The following UBE2H variants were observed in gnomAD, a reference collection of about 807,000 sequenced individuals.
UBE2H encodes ubiquitin conjugating enzyme E2 H.
UBE2H carries 3 observed loss-of-function variants against 29.0 expected under a neutral mutation model. That is an observed-to-expected ratio of 0.10 (90% CI 0.05 to 0.27). UBE2H has a LOEUF of 0.27. Ranked by LOEUF, UBE2H falls within the 10% of genes least tolerant of loss-of-function variation. The probability of loss-of-function intolerance (pLI) is 1.00; values close to 1 mark genes in which losing one functional copy is unlikely to be tolerated. For missense variants in UBE2H, 68 were observed against 228.2 expected (o/e 0.30, Z 4.52); for synonymous variants, 69 against 82.9 (o/e 0.83, Z 0.91).
chr7:129,885,775 A>C lies in UBE2H; in HGVS notation c.54-4804T>G, dbSNP rs1041588195. 2.6e-5 allele frequency among the ~76,000 whole-genome samples: 4 copies of C among 152,354 alleles called. No homozygotes were observed. The East Asian group carries it at 5.8e-4, about 22-fold the overall frequency. On this transcript the variant is annotated intron_variant, in intron 1 of 6. Coordinates refer to ENST00000355621, the MANE Select transcript of UBE2H (RefSeq NM_003344.4). ...GCTGCCTTGGAATGGACAGGCACTA[A>C]ATGAGATAGAAAAAAGAATTTAGGT... is the stretch of plus-strand genomic sequence containing the variant.
chr7:129,883,638 T>A (rs1407987948), intron 1 of UBE2H, among the ~76,000 whole-genome samples: 2 of 152,194 alleles, frequency 1.3e-5, no homozygotes, highest in Non-Finnish European at 2.9e-5. Context: ...GATCAGGAGT[T>A]TGCGACCAGC....
chr7:129,926,175 C>T (rs918354257), intron 1 of UBE2H, among the ~76,000 whole-genome samples: 2 of 152,164 alleles, frequency 1.3e-5, no homozygotes, highest in African/African-American at 4.8e-5. Context: ...TTTTTCTTTT[C>T]AAGATAAAGG....
chr7:129,883,606 C>T (rs1276933315), intron 1 of UBE2H, among the ~76,000 whole-genome samples: 1 of 152,196 alleles, frequency 6.6e-6, no homozygotes, highest in African/African-American at 2.4e-5. Context: ...CTGTGGGGAG[C>T]CAGGGCAGGC....
chr7:129,897,948 A>ATGTATG (rs755015651), intron 1 of UBE2H, among the ~76,000 whole-genome samples: 22,129 of 152,198 alleles, frequency 0.15, 1,680 homozygotes, highest in Admixed American at 0.2. Flanking sequence ...TGTATTTATT[A>ATGTATG]TCTTTATCAA....
intron 1 of UBE2H, among the ~76,000 whole-genome samples, chr7:129,906,904 A>AT (rs2116436711): frequency 6.6e-6 from 1 of 152,302 alleles, no homozygotes; most frequent in Admixed American, 6.5e-5. Flanking sequence ...CTTTGGATGA[A>AT]TTTTCAAGGC....
chr7:129,924,054 T>C (rs1429496861), intron 1 of UBE2H, among the ~76,000 whole-genome samples: 1 of 152,210 alleles, frequency 6.6e-6, no homozygotes. Context: ...AAGCAGATTA[T>C]GAACACTGGA....
intron 5 of UBE2H, among the ~76,000 whole-genome samples, chr7:129,850,847 G>A (rs1212757241): frequency 6.8e-6 from 1 of 146,370 alleles, no homozygotes; most frequent in Non-Finnish European, 1.5e-5. Flanking sequence ...GAAAGAGAGA[G>A]AGAGGGAAGG....
At chr7:129,902,706 A>AT (rs1806741086) in intron 1 of UBE2H, among the ~76,000 whole-genome samples, 3 of 152,086 alleles carry the variant, frequency 2.0e-5, no homozygotes, top group Admixed American at 2.0e-4. Context: ...CAAAATCTCC[A>AT]TTTTAACAAG....
chr7:129,922,685 C>G (rs1807187324), intron 1 of UBE2H, among the ~76,000 whole-genome samples: 1 of 152,162 alleles, frequency 6.6e-6, no homozygotes, highest in African/African-American at 2.4e-5. Context: ...GCAAATATAG[C>G]AAAATATTGA....
At chr7:129,952,449 G>A (rs568339849) in intron 1 of UBE2H, 54 bp downstream of exon 1, 7 of 1,595,868 alleles carry the variant, frequency 4.4e-6, no homozygotes, top group Admixed American at 1.7e-5. Context: ...GGTGCCCTGG[G>A]CATCCCCACA....
At chr7:129,938,983 G>A (rs1315257875) in intron 1 of UBE2H, among the ~76,000 whole-genome samples, 1 of 151,998 alleles carries the variant, frequency 6.6e-6, no homozygotes, top group East Asian at 1.9e-4. Context: ...ATTTTTAGTA[G>A]AGATGGGGCT....
intron 1 of UBE2H, among the ~76,000 whole-genome samples, chr7:129,943,015 G>A (rs2116521584): frequency 6.6e-6 from 1 of 151,756 alleles, no homozygotes; most frequent in African/African-American, 2.4e-5. Flanking sequence ...GCTAGTTTTT[G>A]CATTTTTAGT....
At chr7:129,863,808 G>GTTTTTTTTTTTGTTTGTTT (rs1554432032) in intron 3 of UBE2H, among the ~76,000 whole-genome samples, 48 of 136,044 alleles carry the variant, frequency 3.5e-4, no homozygotes, top group African/African-American at 1.0e-3. Flanking sequence ...AATACTAGGT[G>GTTTTTTTTTTTGTTTGTTT]TTTTTTTTTT....
chr7:129,835,764 A>C (rs995720608), intron 6 of UBE2H, among the ~76,000 whole-genome samples: 1 of 152,218 alleles, frequency 6.6e-6, no homozygotes, highest in African/African-American at 2.4e-5. Context: ...CTCTAAGTGC[A>C]TACTGTTTTC....
chr7:129,938,608 T>C (rs551196491), intron 1 of UBE2H, among the ~76,000 whole-genome samples: 63 of 13,892 alleles, frequency 4.5e-3, no homozygotes, highest in African/African-American at 5.0e-3. Flanking sequence ...AGCTACTCGA[T>C]AGGCTGAGAA....
chr7:129,922,463 G>C (rs993002094), intron 1 of UBE2H, among the ~76,000 whole-genome samples: 2 of 151,934 alleles, frequency 1.3e-5, no homozygotes, highest in Non-Finnish European at 2.9e-5. Context: ...TTTTTGTAGA[G>C]ATGGGATTTC....
At chr7:129,952,010 G>A (rs1029342357) in intron 1 of UBE2H, among the ~76,000 whole-genome samples, 2 of 152,160 alleles carry the variant, frequency 1.3e-5, no homozygotes, top group African/African-American at 4.8e-5. Context: ...AAAGGAATTA[G>A]GGATAAAAGA....
Position 129,882,824 on chromosome 7 carries a change from T to A in UBE2H, c.54-1853A>T, listed in dbSNP as rs188044067. Among the ~76,000 whole-genome samples the A allele has an allele frequency of 3.8e-4, 58 of 152,308 alleles. No individual in the cohort carries two copies. The East Asian group carries it at 8.5e-3, about 22-fold the overall frequency. On this transcript the variant is annotated intron_variant, in intron 1 of 6. Transcript: ENST00000355621. ...AACTTTTTTAAAAAAAGCATCCTTGTGTCACGTAAAAAAAGGCAAATCCAG... is the reference window on the plus strand; with the variant it reads ...AACTTTTTTAAAAAAAGCATCCTTGAGTCACGTAAAAAAAGGCAAATCCAG...
chr7:129,845,424 T>G (rs939955055), intron 5 of UBE2H, among the ~76,000 whole-genome samples: 2 of 152,200 alleles, frequency 1.3e-5, no homozygotes, highest in African/African-American at 4.8e-5. Flanking sequence ...GCTCGTAGGT[T>G]CTTTTTTGCA....
Sources: gnomAD v4.1 joint callset for allele counts (sites outside exome capture counted in the v4.1 genomes callset) on GRCh38, gnomAD v4.1.1 for gene constraint, MANE v1.5 for transcripts, NCBI Gene and HGNC (gene_info 2026-07-23, HGNC 2026-07-21) for gene names.